EXOSC3: variants seen among roughly 807,000 people sequenced by gnomAD.
EXOSC3 encodes exosome complex component RRP40.
A neutral mutation model predicts 25.1 loss-of-function variants in EXOSC3; 18 were observed. The observed-to-expected ratio is 0.72, with a 90% CI of 0.50 to 1.06. EXOSC3 has a LOEUF of 1.06. Ranked by LOEUF, EXOSC3 falls within the 50% of genes least tolerant of loss-of-function variation. EXOSC3 has a pLI of 0.00. For missense variants in EXOSC3, 382 were observed against 350.9 expected, an observed-to-expected ratio of 1.09 and a Z score of -0.71; for synonymous variants, 165 against 132.2, an observed-to-expected ratio of 1.25 and a Z score of -1.70.
In EXOSC3 at chr9:37,779,845, A is replaced by G. The variant is rs1424069147; in HGVS notation, c.*834T>C. On this transcript the variant is annotated 3_prime_UTR_variant, in exon 4 of 4. Coordinates refer to ENST00000327304, the MANE Select transcript of EXOSC3 (RefSeq NM_016042.4). ...AAACCAAGAATCACTGATGTGGATC[A>G]CCTGGCAGTCTCTTTACCTCTAAAG... 2.0e-5 allele frequency: 3 copies of G among 152,184 alleles called. No individual in the cohort carries two copies. In the East Asian group the frequency reaches 5.8e-4, roughly 29 times the overall value. The allele number at this position is 152,184 out of a possible 1,614,324, so 9.4% of individuals were successfully genotyped here.
chr9:37,784,104 A>G (rs769547087), intron 1 of EXOSC3, 41 bp from the exon 2 acceptor site: 27 of 1,588,776 alleles, frequency 1.7e-5, no homozygotes, highest in Middle Eastern at 1.7e-4. Context: ...CATAAATGAC[A>G]AGATACCATT....
chr9:37,781,045 A>T (rs1000288986), intron 3 of EXOSC3, among the ~76,000 whole-genome samples, 165 bp from the exon 4 acceptor site: 11 of 152,148 alleles, frequency 7.2e-5, no homozygotes, highest in African/African-American at 2.2e-4. Flanking sequence ...AAGGAACTTT[A>T]CACTGTTCAA....
chr9:37,781,558 C>T (rs1484305355), intron 3 of EXOSC3, among the ~76,000 whole-genome samples: 2 of 151,934 alleles, frequency 1.3e-5, no homozygotes, highest in Non-Finnish European at 2.9e-5. Flanking sequence ...TGAATGTCTA[C>T]ATAACCTTGA....
rs773573166 is a variant in EXOSC3, at chr9:37,784,979, T to G, written c.66A>C (p.Thr22=). 1.4e-5 allele frequency: 23 copies of G among 1,611,442 alleles called. No homozygotes were observed. The highest frequency in any genetic ancestry group is 1.6e-5 in the Non-Finnish European group (19 of 1,178,884). Residue 22 remains threonine (T), a synonymous_variant, in exon 1 of 4, where the codon ACA becomes ACC. Coordinates refer to ENST00000327304, the MANE Select transcript of EXOSC3 (RefSeq NM_016042.4). ...LAGSRARAAR[T]VLGQVVLPGE... is the part of the protein sequence containing the mutation. ...CCGGGAGCACCACCTGACCTAGTACTGTGCGTGCAGCGCGCGCCCTGCTGC... is the reference window on the plus strand; with the variant it reads ...CCGGGAGCACCACCTGACCTAGTACGGTGCGTGCAGCGCGCGCCCTGCTGC...
chr9:37,780,256 T>A lies in EXOSC3; in HGVS notation c.*423A>T, dbSNP rs150409666. ...CAATACTTGGTAAATGAAAAAGTAT[T>A]TCGTTGTTATATACTCACCCGCTGA... On this transcript the variant is annotated 3_prime_UTR_variant, in exon 4 of 4. Transcript: ENST00000327304. 1 of 162,332 alleles carries A rather than the reference T, an allele frequency of 6.2e-6. No homozygotes were observed. Among genetic ancestry groups the A allele is most frequent in the Non-Finnish European group, 1.3e-5 (1 of 74,500 alleles). 10.1% of individuals were successfully genotyped at this position (162,332 alleles called of 1,614,324 possible). A position where few individuals can be genotyped will look rare whatever the true frequency, so the allele number is the denominator to read the frequency against.
chr9:37,781,484 A>T (rs1421670943), intron 3 of EXOSC3, among the ~76,000 whole-genome samples: 1 of 151,568 alleles, frequency 6.6e-6, no homozygotes, highest in Admixed American at 6.6e-5. Flanking sequence ...AACACCAAAA[A>T]GAGAATCTGC....
chr9:37,784,610 G>A, intron 1 of EXOSC3, 111 bp downstream of exon 1: 3 of 1,236,170 alleles, frequency 2.4e-6, no homozygotes, highest in African/African-American at 1.5e-5. Flanking sequence ...GTGGCTCTAG[G>A]TTTGCCTGAA....
At chr9:37,781,077 G>A (rs1390548575) in intron 3 of EXOSC3, among the ~76,000 whole-genome samples, 197 bp from the exon 4 acceptor site, 5 of 152,114 alleles carry the variant, frequency 3.3e-5, no homozygotes, top group African/African-American at 1.2e-4. Context: ...AAATCACAGA[G>A]GTGGGCTATG....
chr9:37,783,692 T>C lies in EXOSC3; in HGVS notation c.474+222A>G, dbSNP rs569717812. On this transcript the variant is annotated intron_variant, in intron 2 of 3. Coordinates refer to ENST00000327304, the MANE Select transcript of EXOSC3 (RefSeq NM_016042.4). ...AGAAATGAAACATCCCAAGAACAAA[T>C]GTAGCCAATGTAAAATAAATTGTAA... 4.1e-4 allele frequency among the ~76,000 whole-genome samples: 62 copies of C among 152,136 alleles called. 1 individual carries two copies. The highest frequency in any genetic ancestry group is 1.5e-3 in the South Asian group (7 of 4,810).
Position 37,780,743 on chromosome 9 carries a change from T to G in EXOSC3, c.764A>C (p.Glu255Ala), listed in dbSNP as rs1178620238. ...QQTLILANILEACEHMTSDQR... is the reference protein window; with the variant it reads ...QQTLILANILAACEHMTSDQR... ...ATCTGACGTCATGTGTTCACAAGCTTCTAAAATGTTTGCCAAAATTAAAGT... is the reference window on the plus strand; with the variant it reads ...ATCTGACGTCATGTGTTCACAAGCTGCTAAAATGTTTGCCAAAATTAAAGT... Residue 255 changes from glutamate (E) to alanine (A), a missense_variant, in exon 4 of 4, where the codon GAA (glutamate) becomes GCA (alanine). Transcript: ENST00000327304. 6.2e-7 allele frequency: 1 copy of G among 1,614,066 alleles called. No homozygotes were observed. The highest frequency in any genetic ancestry group is 8.5e-7 in the Non-Finnish European group (1 of 1,179,934).
intron 2 of EXOSC3, 137 bp from the exon 3 acceptor site, chr9:37,782,274 A>T (rs1828612975): frequency 1.2e-6 from 1 of 842,232 alleles, no homozygotes; most frequent in Admixed American, 2.9e-5. Context: ...GGATTCCCAC[A>T]GTCACTTTGG....
Position 37,779,998 on chromosome 9 carries a change from T to C in EXOSC3, c.*681A>G, listed in dbSNP as rs1486355399. 2.0e-5 allele frequency: 3 copies of C among 152,350 alleles called. No individual in the cohort carries two copies. Among genetic ancestry groups the C allele is most frequent in the Non-Finnish European group, 4.4e-5 (3 of 68,030 alleles). The allele number at this position is 152,350 out of a possible 1,614,324, so 9.4% of individuals were successfully genotyped here. ...CCTCATAGTGTTATTTATATAATGA[T>C]AAAACTCAAAAATATCCTGTAACAT... is the stretch of plus-strand genomic sequence containing the variant. On this transcript the variant is annotated 3_prime_UTR_variant, in exon 4 of 4. Coordinates refer to ENST00000327304, the MANE Select transcript of EXOSC3 (RefSeq NM_016042.4).
In EXOSC3 at chr9:37,784,738, C is replaced by G; in HGVS notation, c.307G>C (p.Asp103His). The G allele has an allele frequency of 6.3e-7, 1 of 1,597,684 alleles. No individual in the cohort carries two copies. Among genetic ancestry groups the G allele is most frequent in the Non-Finnish European group, 8.5e-7 (1 of 1,175,726 alleles). The change falls in exon 1 of 4, where the codon GAC becomes CAC. Residue 103 changes from aspartate to histidine, a missense_variant. Transcript: ENST00000327304. ...SGSGGGVYWV[D>H]SQQKRYVPVK... ...CAGCTCACCCGCTTCTGCTGAGAGT[C>G]CACCCAGTAAACACCGCCGCCGCTG...
At chr9:37,783,598 G>A (rs911051098) in intron 2 of EXOSC3, among the ~76,000 whole-genome samples, 1 of 152,140 alleles carries the variant, frequency 6.6e-6, no homozygotes, top group Non-Finnish European at 1.5e-5. Context: ...GCCTACAGCA[G>A]ACATCCTTGT....
In EXOSC3 at chr9:37,784,912, G is replaced by A; in HGVS notation, c.133C>T (p.Pro45Ser). 1 of 1,608,358 alleles carries A rather than the reference G, an allele frequency of 6.2e-7. No homozygotes were observed. Among genetic ancestry groups the A allele is most frequent in the Non-Finnish European group, 8.5e-7 (1 of 1,177,556 alleles). ...AACGGTCGCTCCACTGCACCCCCAG[G>A]GCCTTCCGCGTCCTCCTGTTCCGGC... ...LLPEQEDAEG[P>S]GGAVERPLSL... Residue 45 changes from proline (P) to serine (S), a missense_variant, in exon 1 of 4, where the codon CCT becomes TCT. Coordinates refer to ENST00000327304, the MANE Select transcript of EXOSC3 (RefSeq NM_016042.4).
rs1282917090 is a variant in EXOSC3, at chr9:37,781,998, C to A, written c.614G>T (p.Gly205Val). 6.2e-7 allele frequency: 1 copy of A among 1,613,326 alleles called. No homozygotes were observed. The highest frequency in any genetic ancestry group is 8.5e-7 in the Non-Finnish European group (1 of 1,179,874). Residue 205 changes from glycine to valine, a missense_variant, in exon 3 of 4, where the codon GGC becomes GTC. Gly to Val is a moderately radical substitution (Grantham distance 109). Coordinates refer to ENST00000327304, the MANE Select transcript of EXOSC3 (RefSeq NM_016042.4). ...CATCAGGACTTACTTTCTAATTAAG[C>A]CCAGAGTCACTTTAAAAAGCAGACC... is the stretch of plus-strand genomic sequence containing the variant. ...QDGLLFKVTL[G>V]LIRKLLAPDC... is the part of the protein sequence containing the mutation.
intron 3 of EXOSC3, 195 bp downstream of exon 3, chr9:37,781,791 C>T: frequency 3.3e-6 from 2 of 613,520 alleles, no homozygotes; most frequent in Non-Finnish European, 5.5e-6. Flanking sequence ...CACAGCCAAA[C>T]ACATCTGAAT....
Position 37,783,972 on chromosome 9 carries a change from G to A in EXOSC3, c.416C>T (p.Ala139Val). The A allele has an allele frequency of 6.2e-7, 1 of 1,613,832 alleles. No homozygotes were observed. The stretch of plus-strand genomic sequence containing the variant: ...TTCAAATGACAAGTAAGACAAAGAA[G>A]CTGGCTCACTCCCTCCAACATCAAC... ...FKVDVGGSEP[A>V]SLSYLSFEGA... Residue 139 changes from alanine to valine, a missense_variant, in exon 2 of 4, where the codon GCT becomes GTT. By Grantham distance (64) the Ala-to-Val change is moderately conservative. Coordinates refer to ENST00000327304, the MANE Select transcript of EXOSC3 (RefSeq NM_016042.4).
chr9:37,780,995 C>A lies in EXOSC3; in HGVS notation c.627-115G>T, dbSNP rs552385358. 8.3e-6 allele frequency: 7 copies of A among 846,826 alleles called. 1 individual carries two copies. In the East Asian group the frequency reaches 1.3e-4, roughly 16 times the overall value. The allele number at this position is 846,826 out of a possible 1,614,324, so 52.5% of individuals were successfully genotyped here. ...GTTCTCCATAGCTGTTCAACAAGAA[C>A]AAGGCACGTGATGACATTTGCTGCC... On this transcript the variant is annotated intron_variant, in intron 3 of 3. Transcript: ENST00000327304.
Sources: gnomAD v4.1 joint callset for allele counts (sites outside exome capture counted in the v4.1 genomes callset) on GRCh38, gnomAD v4.1.1 for gene constraint, MANE v1.5 for transcripts, NCBI Gene and HGNC (gene_info 2026-07-23, HGNC 2026-07-21) for gene names.